The following FRAS1 variants were observed in gnomAD, a reference collection of about 807,000 sequenced individuals.
FRAS1 encodes the protein extracellular matrix organizing protein FRAS1.
FRAS1 carries 290 observed loss-of-function variants against 435.2 expected under a neutral mutation model. The observed-to-expected ratio is 0.67, with a 90% CI of 0.61 to 0.73. The LOEUF (loss-of-function observed/expected upper bound fraction) is 0.73. FRAS1 is among the 30% of genes least tolerant of loss of function. FRAS1 has a pLI of 0.00. For synonymous variants in FRAS1, 1,800 were observed against 1,851.0 expected (o/e 0.97, Z 0.71); for missense variants, 4,860 against 5,001.5 (o/e 0.97, Z 0.85).
chr4:78,297,445 G>A (rs1728188794), intron 14 of FRAS1, among the ~76,000 whole-genome samples: 1 of 152,184 alleles, frequency 6.6e-6, no homozygotes, highest in Non-Finnish European at 1.5e-5. Flanking sequence ...TATTCTTAGA[G>A]AGACATAGCT....
At position 78,511,445 on chromosome 4, in the gene FRAS1, G is replaced by A. The variant is rs780772474; in HGVS notation, c.9952G>A (p.Ala3318Thr). 2.7e-5 allele frequency: 44 copies of A among 1,613,822 alleles called. No individual in the cohort carries two copies. Among genetic ancestry groups the A allele is most frequent in the Non-Finnish European group, 3.4e-5 (40 of 1,179,878 alleles). The part of the protein sequence containing the change: ...VVAGTSRGFQ[A>T]QSFIATLKYL... ...GGCTGGGACATCCAGAGGCTTCCAG[G>A]CTCAGTCCTTCATCGCAACCTTGAA... is the stretch of plus-strand genomic sequence containing the variant. Residue 3318 changes from alanine (A) to threonine (T), a missense_variant, in exon 64 of 74, where the codon GCT becomes ACT. By Grantham distance (58) the Ala-to-Thr change is moderately conservative. Transcript: ENST00000512123.
rs1731727397 is a variant in FRAS1, at chr4:78,375,608, A to G, written c.3152-131A>G. 1.6e-5 allele frequency: 11 copies of G among 694,794 alleles called. No homozygotes were observed. In the South Asian group the frequency reaches 2.0e-4, roughly 13 times the overall value. The allele number at this position is 694,794 out of a possible 1,614,324, so 43.0% of individuals were successfully genotyped here. On this transcript the variant is annotated intron_variant, in intron 25 of 73. Coordinates refer to ENST00000512123, the MANE Select transcript of FRAS1 (RefSeq NM_025074.7). ...CTATATATTCTGTAGGGAAACTGTC[A>G]GTATTCTCTTTTGTTACAGTTGGGG...
chr4:78,339,320 G>A (rs910857369), intron 20 of FRAS1, among the ~76,000 whole-genome samples: 2 of 152,190 alleles, frequency 1.3e-5, no homozygotes, highest in African/African-American at 4.8e-5. Flanking sequence ...GATATTTACT[G>A]AGAACTCACT....
intron 19 of FRAS1, among the ~76,000 whole-genome samples, chr4:78,335,000 A>G (rs542927309): frequency 6.7e-6 from 1 of 150,096 alleles, no homozygotes; most frequent in Admixed American, 6.6e-5. Context: ...GCCTCAAGCA[A>G]TCCTCCCTCT....
At position 78,429,784 on chromosome 4, in the gene FRAS1, A is replaced by G. The variant is rs148957746; in HGVS notation, c.4844-508A>G. Among the ~76,000 whole-genome samples the G allele has an allele frequency of 8.0e-4, 122 of 152,340 alleles. 1 individual carries two copies. In the Middle Eastern group the frequency reaches 0.027, roughly 34 times the overall value. On this transcript the variant is annotated intron_variant, in intron 36 of 73. Coordinates refer to ENST00000512123, the MANE Select transcript of FRAS1 (RefSeq NM_025074.7). ...CTAGAGATCCTTATCCAGTTTCTAC[A>G]TATGGGGTTTGGCCTAAAATTAATT...
At chr4:78,289,772 AC>A (rs1361442721) in intron 14 of FRAS1, among the ~76,000 whole-genome samples, 1 of 152,074 alleles carries the variant, frequency 6.6e-6, no homozygotes, top group Non-Finnish European at 1.5e-5. Flanking sequence ...CTGCTTAATT[AC>A]CTGGAGACTG....
chr4:78,178,648 C>T (rs1369210685), intron 2 of FRAS1, among the ~76,000 whole-genome samples: 1 of 152,212 alleles, frequency 6.6e-6, no homozygotes, highest in East Asian at 1.9e-4. Flanking sequence ...AAGCTAGCAT[C>T]TCTCAGGGGT....
chr4:78,419,522 C>T (rs1203320619), intron 33 of FRAS1, among the ~76,000 whole-genome samples: 1 of 152,186 alleles, frequency 6.6e-6, no homozygotes, highest in East Asian at 1.9e-4. Context: ...CGATTGGATA[C>T]ATTACTCCTC....
At chr4:78,091,496 G>T (rs1042419298) in intron 2 of FRAS1, among the ~76,000 whole-genome samples, 3 of 152,104 alleles carry the variant, frequency 2.0e-5, no homozygotes, top group South Asian at 4.2e-4. Flanking sequence ...CTCTAGGGTG[G>T]AATGAATGGG....
chr4:78,164,773 C>T (rs751898499), intron 2 of FRAS1, among the ~76,000 whole-genome samples: 1 of 152,146 alleles, frequency 6.6e-6, no homozygotes, highest in South Asian at 2.1e-4. Flanking sequence ...TTTTCATGAA[C>T]GTCCTTTAAA....
intron 2 of FRAS1, among the ~76,000 whole-genome samples, chr4:78,232,645 T>C (rs1724566328): frequency 2.6e-5 from 4 of 152,198 alleles, no homozygotes; most frequent in African/African-American, 7.2e-5. Flanking sequence ...TCTGTAAACA[T>C]AGTTTGACAT....
At chr4:78,480,078 G>GTACA (rs1292796517) in intron 56 of FRAS1, among the ~76,000 whole-genome samples, 2 of 152,154 alleles carry the variant, frequency 1.3e-5, no homozygotes, top group Non-Finnish European at 1.5e-5. Context: ...TTTGTGTTAT[G>GTACA]TACAATCCAA....
intron 2 of FRAS1, among the ~76,000 whole-genome samples, chr4:78,177,899 G>T (rs1721842407): frequency 6.6e-6 from 1 of 152,094 alleles, no homozygotes; most frequent in Non-Finnish European, 1.5e-5. Context: ...TAACCTCTTA[G>T]GATTTGTATT....
intron 2 of FRAS1, among the ~76,000 whole-genome samples, chr4:78,225,054 T>C (rs2110100442): frequency 6.6e-6 from 1 of 152,238 alleles, no homozygotes; most frequent in South Asian, 2.1e-4. Flanking sequence ...ATTGATGACC[T>C]CTCTGAGAAA....
intron 6 of FRAS1, among the ~76,000 whole-genome samples, chr4:78,260,890 G>C (rs113068309): frequency 6.6e-6 from 1 of 152,072 alleles, no homozygotes; most frequent in Non-Finnish European, 1.5e-5. Flanking sequence ...TCTAGGTGAG[G>C]TATCTTTTTA....
chr4:78,419,472 G>T (rs886941283), intron 33 of FRAS1, among the ~76,000 whole-genome samples: 2 of 152,166 alleles, frequency 1.3e-5, no homozygotes, highest in African/African-American at 4.8e-5. Context: ...CTGCCAGGGA[G>T]CCCAAAGAGG....
rs573984239 is a variant in FRAS1 at position 78,162,059 on chromosome 4, A to G, written c.109-75451A>G. Among the ~76,000 whole-genome samples the G allele has an allele frequency of 5.9e-5, 9 of 152,320 alleles. No homozygotes were observed. In the South Asian group the frequency reaches 8.3e-4, roughly 14 times the overall value. The stretch of plus-strand genomic sequence containing the variant: ...CTTTGGTAATAGAATATAAAAAAGC[A>G]TAAGTATAAAATTGTGGCCAAATGT... On this transcript the variant is annotated intron_variant, in intron 2 of 73. Coordinates refer to ENST00000512123, the MANE Select transcript of FRAS1 (RefSeq NM_025074.7).
intron 66 of FRAS1, 114 bp from the exon 67 acceptor site, chr4:78,519,217 T>C (rs1186567866): frequency 1.2e-6 from 1 of 832,654 alleles, no homozygotes; most frequent in African/African-American, 1.8e-5. Context: ...TTAATAATTA[T>C]TGAATAAGTG....
Position 78,508,744 on chromosome 4 carries a change from C to G in FRAS1, c.9518C>G (p.Ala3173Gly), listed in dbSNP as rs774614899. 1.2e-6 allele frequency: 2 copies of G among 1,613,790 alleles called. No homozygotes were observed. The highest frequency in any genetic ancestry group is 1.7e-6 in the Non-Finnish European group (2 of 1,179,802). ...LPAPPIVVTLADYDHVEEVTK... is the reference protein window; with the variant it reads ...LPAPPIVVTLGDYDHVEEVTK... ...GCTCTTTCGCAGGTGGTCACACTTG[C>G]TGACTATGACCATGTGGAAGAAGTT... Residue 3173 changes from alanine to glycine, a missense_variant, in exon 63 of 74, where the codon GCT becomes GGT. Ala to Gly is a moderately conservative substitution (Grantham distance 60, BLOSUM62 0). Transcript: ENST00000512123.
Sources: gnomAD v4.1 joint callset for allele counts (sites outside exome capture counted in the v4.1 genomes callset) on GRCh38, gnomAD v4.1.1 for gene constraint, MANE v1.5 for transcripts, NCBI Gene and HGNC (gene_info 2026-07-23, HGNC 2026-07-21) for gene names.